The following PIWIL2 variants were observed in gnomAD, a reference collection of about 807,000 sequenced individuals.
PIWIL2 encodes piwi-like protein 2.
In PIWIL2, 81 loss-of-function variants were observed where a neutral mutation model predicts 116.5. The observed-to-expected ratio is 0.70, with a 90% CI of 0.58 to 0.84. The LOEUF is 0.84. Among genes scored for constraint, PIWIL2 ranks in the 40% least tolerant of loss-of-function variants. The probability of loss-of-function intolerance (pLI) is 0.00; values close to 1 mark genes in which losing one functional copy is unlikely to be tolerated. For missense variants in PIWIL2, 1,272 were observed against 1,212.3 expected, an observed-to-expected ratio of 1.05 and a Z score of -0.73; for synonymous variants, 489 against 429.5, an observed-to-expected ratio of 1.14 and a Z score of -1.71.
chr8:22,287,265 A>G (rs1022646576), intron 6 of PIWIL2, among the ~76,000 whole-genome samples: 4 of 152,192 alleles, frequency 2.6e-5, no homozygotes, highest in African/African-American at 9.7e-5. Flanking sequence ...ATGTGTATAT[A>G]TGAAAGAATA....
chr8:22,284,980 A>G (rs114688882), intron 6 of PIWIL2, among the ~76,000 whole-genome samples: 198 of 152,314 alleles, frequency 1.3e-3, no homozygotes, highest in African/African-American at 4.6e-3. Context: ...ATAATTGTGT[A>G]TATGTATGAG....
In PIWIL2 at chr8:22,279,386, C is replaced by A. The variant is rs753569076; in HGVS notation, c.-1C>A. 1 of 1,613,396 alleles carries A rather than the reference C, an allele frequency of 6.2e-7. No homozygotes were observed. The highest frequency in any genetic ancestry group is 1.1e-5 in the South Asian group (1 of 91,068). ...CGACACGTGTTCTCTACAGCCCGTC[C>A]ATGGATCCTTTCCGACCATCGTTCA... On this transcript the variant is annotated 5_prime_UTR_variant, in exon 2 of 23. Transcript: ENST00000356766.
chr8:22,300,058 C>T (rs1036285570), intron 10 of PIWIL2, among the ~76,000 whole-genome samples: 1 of 151,956 alleles, frequency 6.6e-6, no homozygotes, highest in African/African-American at 2.4e-5. Flanking sequence ...TCCTGCCTAG[C>T]TGGGATTACA....
intron 20 of PIWIL2, among the ~76,000 whole-genome samples, chr8:22,326,169 A>C (rs1029549794): frequency 6.6e-6 from 1 of 152,002 alleles, no homozygotes; most frequent in African/African-American, 2.4e-5. Flanking sequence ...CCAGCCTGGA[A>C]GGTTTTACTG....
At chr8:22,340,865 C>G (rs772021467) in intron 20 of PIWIL2, among the ~76,000 whole-genome samples, 2 of 152,112 alleles carry the variant, frequency 1.3e-5, no homozygotes, top group Non-Finnish European at 2.9e-5. Flanking sequence ...GAATGCGCCA[C>G]CATTTCTGGC....
chr8:22,314,479 G>A (rs1450867326), intron 17 of PIWIL2, 50 bp downstream of exon 17: 5 of 918,504 alleles, frequency 5.4e-6, no homozygotes, highest in South Asian at 1.9e-5. Flanking sequence ...TCGCCTCCCC[G>A]AGGCTTGAGA....
At chr8:22,316,491 G>A (rs1356330686) in intron 19 of PIWIL2, among the ~76,000 whole-genome samples, 158 bp downstream of exon 19, 1 of 151,306 alleles carries the variant, frequency 6.6e-6, no homozygotes, top group Non-Finnish European at 1.5e-5. Flanking sequence ...TTTTCGGGGG[G>A]GAGGGGTGGA....
intron 20 of PIWIL2, among the ~76,000 whole-genome samples, chr8:22,320,849 T>G (rs2132062711): frequency 6.6e-6 from 1 of 152,278 alleles, no homozygotes; most frequent in East Asian, 1.9e-4. Flanking sequence ...CCCCTCAGCC[T>G]CTCAAAGTGC....
At chr8:22,327,047 A>C (rs1222876204) in intron 20 of PIWIL2, among the ~76,000 whole-genome samples, 2 of 36,864 alleles carry the variant, frequency 5.4e-5, no homozygotes, top group East Asian at 1.1e-3. Context: ...TTTTTTTTTG[A>C]GACAGAGTCT....
At chr8:22,320,266 T>TTTC (rs1831566088) in intron 20 of PIWIL2, among the ~76,000 whole-genome samples, 1 of 141,776 alleles carries the variant, frequency 7.1e-6, no homozygotes, top group Admixed American at 7.1e-5. Context: ...CGGCTTTTTT[T>TTTC]TTTTTTTTTT....
intron 20 of PIWIL2, among the ~76,000 whole-genome samples, chr8:22,330,379 C>T (rs1187477579): frequency 1.3e-5 from 2 of 152,046 alleles, no homozygotes; most frequent in African/African-American, 2.4e-5. Flanking sequence ...GACATGGTTT[C>T]CTTTAGTTCT....
intron 1 of PIWIL2, among the ~76,000 whole-genome samples, chr8:22,277,528 T>A (rs892054577): frequency 6.6e-6 from 1 of 152,024 alleles, no homozygotes. Flanking sequence ...TTTTTAAAAT[T>A]TTTTTTTCTA....
intron 19 of PIWIL2, 72 bp from the exon 20 acceptor site, chr8:22,318,098 A>T (rs1831507983): frequency 4.5e-6 from 4 of 889,066 alleles, no homozygotes; most frequent in Non-Finnish European, 7.4e-6. Context: ...TTACTGACAT[A>T]AGCCATAGGC....
intron 20 of PIWIL2, among the ~76,000 whole-genome samples, chr8:22,341,568 C>A (rs1165748913): frequency 7.1e-6 from 1 of 141,012 alleles, no homozygotes; most frequent in Non-Finnish European, 1.5e-5. Context: ...GCACTCCAGC[C>A]TGGGCAACAA....
At chr8:22,328,772 A>G (rs866107128) in intron 20 of PIWIL2, among the ~76,000 whole-genome samples, 2 of 143,054 alleles carry the variant, frequency 1.4e-5, no homozygotes, top group African/African-American at 2.6e-5. Flanking sequence ...TTATGTGTTG[A>G]TCATGTACCC....
intron 16 of PIWIL2, among the ~76,000 whole-genome samples, chr8:22,312,466 A>G (rs1037024093): frequency 4.6e-5 from 7 of 151,756 alleles, no homozygotes; most frequent in South Asian, 2.1e-4. Context: ...GGGTTTCACT[A>G]TGTTGCCCAG....
intron 2 of PIWIL2, among the ~76,000 whole-genome samples, chr8:22,280,159 C>G (rs1259432161): frequency 6.6e-6 from 1 of 152,208 alleles, no homozygotes; most frequent in African/African-American, 2.4e-5. Context: ...ATCCCTCCAT[C>G]CCTCCATCTG....
intron 20 of PIWIL2, among the ~76,000 whole-genome samples, chr8:22,334,495 C>G (rs1831934507): frequency 1.4e-5 from 2 of 147,276 alleles, no homozygotes; most frequent in African/African-American, 5.0e-5. Context: ...GCACTCCAGC[C>G]TGGGTGACAG....
intron 1 of PIWIL2, chr8:22,275,835 C>T (rs1418631402): frequency 6.6e-6 from 1 of 152,356 alleles, no homozygotes; most frequent in Non-Finnish European, 1.5e-5. Flanking sequence ...CCCAGCCCGT[C>T]CTGGGTTCGC....
Sources: allele counts gnomAD v4.1 joint callset (sites outside exome capture counted in the v4.1 genomes callset), GRCh38; gene constraint gnomAD v4.1.1; transcripts MANE v1.5; gene names NCBI Gene and HGNC (gene_info 2026-07-23, HGNC 2026-07-21).